Variants in SQSTM1 observed in about 807,000 individuals in gnomAD.
SQSTM1 encodes the protein sequestosome-1.
A neutral mutation model predicts 45.1 loss-of-function variants in SQSTM1; 36 were observed. The ratio of observed to expected loss-of-function variants is 0.80; its 90% CI spans 0.61 to 1.05. SQSTM1 has a LOEUF of 1.05. Ranked by LOEUF, SQSTM1 falls within the 50% of genes least tolerant of loss-of-function variation. The probability of loss-of-function intolerance (pLI) is 0.00; values close to 1 mark genes in which losing one functional copy is unlikely to be tolerated. For synonymous variants in SQSTM1, 290 were observed against 244.3 expected (o/e 1.19, Z -1.74); for missense variants, 617 against 607.1 (o/e 1.02, Z -0.17).
chr5:179,834,076 T>G (rs1188512061), intron 7 of SQSTM1, among the ~76,000 whole-genome samples: 3 of 147,582 alleles, frequency 2.0e-5, no homozygotes, highest in Non-Finnish European at 4.5e-5. Flanking sequence ...TTAAGGCAGG[T>G]GTGACACAGA....
chr5:179,835,020 C>T, intron 7 of SQSTM1: 2 of 218,462 alleles, frequency 9.2e-6, no homozygotes, highest in South Asian at 4.6e-5. Flanking sequence ...GGGGTGGCTG[C>T]CGGGCGGAGG....
At chr5:179,825,363 T>C (rs1330372247) in intron 5 of SQSTM1, 137 bp downstream of exon 5, 1 of 808,960 alleles carries the variant, frequency 1.2e-6, no homozygotes, top group Non-Finnish European at 2.1e-6. Flanking sequence ...AATCAACCTT[T>C]AGTAGTGCTG....
upstream of SQSTM1, among the ~76,000 whole-genome samples, chr5:179,818,514 C>A (rs959912140): frequency 5.3e-5 from 8 of 152,084 alleles, no homozygotes; most frequent in Admixed American, 3.3e-4. Context: ...GAAGGGGGAA[C>A]TGAGGAGGTG....
chr5:179,827,128 C>T (rs1280119643), intron 5 of SQSTM1, among the ~76,000 whole-genome samples: 1 of 152,168 alleles, frequency 6.6e-6, no homozygotes, highest in African/African-American at 2.4e-5. Flanking sequence ...GATCCCCAGA[C>T]CTTACCTTTT....
Position 179,833,216 on chromosome 5 carries a change from G to A in SQSTM1, c.939G>A (p.Lys313=). Residue 313 remains lysine, a synonymous_variant, in exon 6 of 8, where the codon AAG becomes AAA. Transcript: ENST00000389805. ...ATQSLAEQMR[K]IALESEGRPE... is the part of the protein sequence containing the mutation. ...AGTCTCTGGCGGAGCAGATGAGGAAGATCGCCTTGGAGTCCGAGGGGCGCC... is the reference window on the plus strand; with the variant it reads ...AGTCTCTGGCGGAGCAGATGAGGAAAATCGCCTTGGAGTCCGAGGGGCGCC... 2 of 1,605,264 alleles carry A rather than the reference G, an allele frequency of 1.2e-6. No homozygotes were observed. Among genetic ancestry groups the A allele is most frequent in the Non-Finnish European group, 1.7e-6 (2 of 1,176,720 alleles).
upstream of SQSTM1, among the ~76,000 whole-genome samples, chr5:179,819,754 C>T (rs1050945385): frequency 6.6e-6 from 1 of 152,182 alleles, no homozygotes; most frequent in Non-Finnish European, 1.5e-5. Context: ...CACAGGGCTG[C>T]TCTGGGCAGG....
chr5:179,829,908 CA>C (rs1454760839), intron 5 of SQSTM1, among the ~76,000 whole-genome samples: 6 of 152,296 alleles, frequency 3.9e-5, no homozygotes, highest in African/African-American at 9.6e-5. Context: ...CCAGCCTTGG[CA>C]ACATAGGGAG....
chr5:179,808,008 A>C (rs1757255162), intron 1 of SQSTM1: 1 of 152,218 alleles, frequency 6.6e-6, no homozygotes, highest in Non-Finnish European at 1.5e-5. Flanking sequence ...GAAGGGCGCA[A>C]ATTATAAAGG....
chr5:179,811,885 A>G (rs1287342941), intron 2 of SQSTM1: 5 of 152,126 alleles, frequency 3.3e-5, no homozygotes, highest in African/African-American at 7.2e-5. Flanking sequence ...GCTCACTGCA[A>G]GCTCCACCTC....
chr5:179,820,196 G>A (rs1757721349), upstream of SQSTM1: 1 of 152,396 alleles, frequency 6.6e-6, no homozygotes, highest in South Asian at 2.1e-4. Context: ...CTGAATTGAG[G>A]AGCCCATAAG....
At chr5:179,834,707 T>C (rs1394375291) in intron 7 of SQSTM1, among the ~76,000 whole-genome samples, 1 of 152,196 alleles carries the variant, frequency 6.6e-6, no homozygotes, top group Non-Finnish European at 1.5e-5. Context: ...ACAGCACATG[T>C]TTCAGAGAGC....
At chr5:179,829,237 G>A (rs1392810297) in intron 5 of SQSTM1, among the ~76,000 whole-genome samples, 2 of 152,232 alleles carry the variant, frequency 1.3e-5, no homozygotes, top group Non-Finnish European at 2.9e-5. Flanking sequence ...TGAGCAATGG[G>A]CCCAGCAGTC....
chr5:179,834,402 C>T (rs1469716721), intron 7 of SQSTM1, among the ~76,000 whole-genome samples: 1 of 105,672 alleles, frequency 9.5e-6, no homozygotes, highest in Admixed American at 1.1e-4. Flanking sequence ...AAGAGTAGTT[C>T]TTATTTTTGT....
At position 179,836,793 on chromosome 5, in the gene SQSTM1, T is replaced by C; in HGVS notation, c.*200T>C. The C allele has an allele frequency of 2.5e-6, 2 of 813,378 alleles. No individual in the cohort carries two copies. Among genetic ancestry groups the C allele is most frequent in the Admixed American group, 2.1e-5 (1 of 47,484 alleles). The allele number at this position is 813,378 out of a possible 1,614,324, so 50.4% of individuals were successfully genotyped here. ...TGTGTGTGTGTGTGCTGATGTTTCC[T>C]GGGTGCCCTGGCTCCTTGCAGCAGG... is the stretch of plus-strand genomic sequence containing the variant. On this transcript the variant is annotated 3_prime_UTR_variant, in exon 8 of 8. Coordinates refer to ENST00000389805, the MANE Select transcript of SQSTM1 (RefSeq NM_003900.5).
intron 5 of SQSTM1, 40 bp from the exon 6 acceptor site, chr5:179,832,992 G>C: frequency 1.2e-6 from 2 of 1,608,672 alleles, no homozygotes; most frequent in Non-Finnish European, 1.7e-6. Context: ...TGCATCCTTG[G>C]GGGAACTTCA....
At chr5:179,814,761 A>C (rs950993349), upstream of SQSTM1, among the ~76,000 whole-genome samples, 1 of 152,210 alleles carries the variant, frequency 6.6e-6, no homozygotes, top group African/African-American at 2.4e-5. Flanking sequence ...AGTTAAATGC[A>C]GAAAAATATT....
rs118160361 is a variant in SQSTM1, at chr5:179,824,038, G to T, written c.482G>T (p.Arg161Leu). 2 of 1,613,788 alleles carry T rather than the reference G, an allele frequency of 1.2e-6. No homozygotes were observed. Among genetic ancestry groups the T allele is most frequent in the Non-Finnish European group, 1.7e-6 (2 of 1,180,024 alleles). The change falls in exon 3 of 8, where the codon CGG becomes CTG. Residue 161 changes from arginine (R) to leucine (L), a missense_variant. By Grantham distance (102) the Arg-to-Leu change is moderately radical. Coordinates refer to ENST00000389805, the MANE Select transcript of SQSTM1 (RefSeq NM_003900.5). ...GTCTGCGAGGGAAAGGGCTTGCACC[G>T]GGGGCACACCAAGCTCGCATTCCCC... The part of the protein sequence containing the change: ...CSVCEGKGLH[R>L]GHTKLAFPSP...
chr5:179,837,383 G>T lies in SQSTM1; in HGVS notation c.*790G>T. 6.3e-7 allele frequency: 1 copy of T among 1,585,598 alleles called. No homozygotes were observed. Among genetic ancestry groups the T allele is most frequent in the Non-Finnish European group, 8.6e-7 (1 of 1,164,356 alleles). On this transcript the variant is annotated 3_prime_UTR_variant, in exon 8 of 8. Transcript: ENST00000389805. ...GTGTATCTCGATTAATAACCTGCCA[G>T]TCCCAGATCACACATCATCATCGAA...
intron 6 of SQSTM1, 66 bp downstream of exon 6, chr5:179,833,312 C>CGCCTCATCCTCAGCACCTCT: frequency 7.0e-7 from 1 of 1,437,324 alleles, no homozygotes; most frequent in Non-Finnish European, 9.4e-7. Context: ...CCTGCACCTC[C>CGCCTCATCCTCAGCACCTCT]GCCTCATCCT....
Sources: gnomAD v4.1 joint callset for allele counts (sites outside exome capture counted in the v4.1 genomes callset) on GRCh38, gnomAD v4.1.1 for gene constraint, MANE v1.5 for transcripts, NCBI Gene and HGNC (gene_info 2026-07-23, HGNC 2026-07-21) for gene names.